The following UNC13C variants were observed in gnomAD, a reference collection of about 807,000 sequenced individuals.
UNC13C encodes the protein unc-13 homolog C.
Under a neutral mutation model 245.4 loss-of-function variants are expected in UNC13C, and 174 were observed. The observed-to-expected ratio is 0.71, with a 90% CI of 0.63 to 0.80. The LOEUF (loss-of-function observed/expected upper bound fraction) is 0.80, where lower values mean the gene tolerates loss of function less well. Among genes scored for constraint, UNC13C ranks in the 30% least tolerant of loss-of-function variants. UNC13C has a pLI of 0.00. For synonymous variants in UNC13C, 992 were observed against 895.1 expected, an observed-to-expected ratio of 1.11 and a Z score of -1.93; for missense variants, 2,829 against 2,602.9, an observed-to-expected ratio of 1.09 and a Z score of -1.89.
At chr15:54,621,880 C>T (rs368097088) in intron 30 of UNC13C, among the ~76,000 whole-genome samples, 1 of 152,152 alleles carries the variant, frequency 6.6e-6, no homozygotes, top group African/African-American at 2.4e-5. Flanking sequence ...GCATGTGGGG[C>T]TCCCCTGGCC....
chr15:54,321,573 A>C, intron 13 of UNC13C: 1 of 391,730 alleles, frequency 2.6e-6, no homozygotes, highest in Admixed American at 3.2e-5. Flanking sequence ...GTTCCCCGTC[A>C]CCCCTCAGAC....
At chr15:54,130,783 C>G (rs371483121) in intron 2 of UNC13C, among the ~76,000 whole-genome samples, 26 of 152,236 alleles carry the variant, frequency 1.7e-4, no homozygotes, top group African/African-American at 6.3e-4. Context: ...TAATTCTTAT[C>G]TCATGCTTTT....
chr15:54,360,959 G>T (rs965910345), intron 17 of UNC13C, among the ~76,000 whole-genome samples: 1 of 152,018 alleles, frequency 6.6e-6, no homozygotes, highest in Admixed American at 6.6e-5. Context: ...GCTTAAATTT[G>T]GTTGGCAATC....
At chr15:54,547,844 T>C (rs1253387734) in intron 27 of UNC13C, among the ~76,000 whole-genome samples, 1 of 141,056 alleles carries the variant, frequency 7.1e-6, no homozygotes, top group Non-Finnish European at 1.5e-5. Flanking sequence ...CATAATATAT[T>C]TCCATAACAC....
intron 2 of UNC13C, among the ~76,000 whole-genome samples, chr15:54,096,611 C>T (rs140807875): frequency 7.7e-4 from 117 of 152,242 alleles, no homozygotes; most frequent in Non-Finnish European, 1.6e-3. Flanking sequence ...CAGATTATAA[C>T]AATTCCCTGT....
At chr15:54,184,645 A>C (rs1354603594) in intron 4 of UNC13C, among the ~76,000 whole-genome samples, 1 of 152,076 alleles carries the variant, frequency 6.6e-6, no homozygotes, top group Admixed American at 6.5e-5. Flanking sequence ...TATGTGCCAC[A>C]TTTTCTTAAT....
At chr15:53,848,822 T>G in the UNC13C span, among the ~76,000 whole-genome samples, 2 of 152,158 alleles carry the variant, frequency 1.3e-5, no homozygotes, top group African/African-American at 2.4e-5. Flanking sequence ...ATTACGTTAC[T>G]AGATCATGCT....
chr15:54,299,623 A>G (rs1311097453), intron 12 of UNC13C, among the ~76,000 whole-genome samples: 1 of 152,096 alleles, frequency 6.6e-6, no homozygotes, highest in Non-Finnish European at 1.5e-5. Context: ...TTTACTATCT[A>G]AAGTGCCTTA....
chr15:54,034,593 A>G (rs897414652), intron 2 of UNC13C, among the ~76,000 whole-genome samples: 6 of 152,240 alleles, frequency 3.9e-5, no homozygotes, highest in Non-Finnish European at 8.8e-5. Context: ...ATTAATGTTT[A>G]AGAATACAAT....
chr15:54,313,632 C>A (rs2037931172), intron 13 of UNC13C, among the ~76,000 whole-genome samples: 1 of 151,622 alleles, frequency 6.6e-6, no homozygotes, highest in South Asian at 2.1e-4. Flanking sequence ...TAATGTAAAA[C>A]TGTATAAAGC....
Position 54,383,703 on chromosome 15 carries a change from CA to C in UNC13C, c.4714-9341del, listed in dbSNP as rs2039777282. ...GGCAAGAAAAATAAGTAAAAGTCACCAAAATTAGAAGAGAGTCAAACTGTCC... is the reference window on the plus strand; with the variant it reads ...GGCAAGAAAAATAAGTAAAAGTCACCAAATTAGAAGAGAGTCAAACTGTCC... On this transcript the variant is annotated intron_variant, in intron 17 of 32. Coordinates refer to ENST00000260323, the MANE Select transcript of UNC13C (RefSeq NM_001080534.3). Among the ~76,000 whole-genome samples the C allele has an allele frequency of 5.3e-5, 8 of 152,032 alleles. No homozygotes were observed. The South Asian group carries it at 1.7e-3, about 32-fold the overall frequency.
intron 10 of UNC13C, among the ~76,000 whole-genome samples, chr15:54,279,830 A>G (rs1353645007): frequency 6.6e-6 from 1 of 152,228 alleles, no homozygotes; most frequent in Non-Finnish European, 1.5e-5. Context: ...GTAAGGAAAT[A>G]GAAAAGTATT....
intron 1 of UNC13C, among the ~76,000 whole-genome samples, chr15:54,001,561 C>T (rs1052586637): frequency 4.6e-5 from 7 of 152,090 alleles, no homozygotes; most frequent in African/African-American, 9.7e-5. Flanking sequence ...GACCTGCAGT[C>T]AGTAAACGAG....
At chr15:54,427,012 AT>A (rs2040773432) in intron 19 of UNC13C, among the ~76,000 whole-genome samples, 1 of 151,866 alleles carries the variant, frequency 6.6e-6, no homozygotes, top group Non-Finnish European at 1.5e-5. Flanking sequence ...CTATATCTGA[AT>A]AAAGAATCTA....
At chr15:54,384,410 A>C (rs988927742) in intron 17 of UNC13C, among the ~76,000 whole-genome samples, 2 of 152,160 alleles carry the variant, frequency 1.3e-5, no homozygotes, top group African/African-American at 2.4e-5. Context: ...CACTGGGGAA[A>C]GCACACTCTC....
At chr15:54,431,514 G>C (rs1244356959) in intron 19 of UNC13C, among the ~76,000 whole-genome samples, 1 of 151,516 alleles carries the variant, frequency 6.6e-6, no homozygotes, top group African/African-American at 2.4e-5. Flanking sequence ...TCTGAAATTT[G>C]ATGTCAAATA....
At chr15:53,928,125 C>G in the UNC13C span, among the ~76,000 whole-genome samples, 3 of 151,974 alleles carry the variant, frequency 2.0e-5, no homozygotes, top group Non-Finnish European at 4.4e-5. Context: ...GACACACACA[C>G]AGAAATATAG....
intron 4 of UNC13C, among the ~76,000 whole-genome samples, chr15:54,177,811 A>T (rs1219381854): frequency 1.3e-5 from 2 of 152,138 alleles, no homozygotes; most frequent in Non-Finnish European, 2.9e-5. Context: ...GTAAAATAGA[A>T]CAGCCATGTT....
At chr15:54,076,539 T>C (rs1364683591) in intron 2 of UNC13C, among the ~76,000 whole-genome samples, 3 of 152,066 alleles carry the variant, frequency 2.0e-5, no homozygotes, top group Non-Finnish European at 2.9e-5. Context: ...GTGGGAAACA[T>C]TCAGGTTAAT....
Sources: gnomAD v4.1 joint callset for allele counts (sites outside exome capture counted in the v4.1 genomes callset) on GRCh38, gnomAD v4.1.1 for gene constraint, MANE v1.5 for transcripts, NCBI Gene and HGNC (gene_info 2026-07-23, HGNC 2026-07-21) for gene names.